MYCBP2: variants seen among roughly 807,000 people sequenced by gnomAD.
MYCBP2 encodes E3 ubiquitin-protein ligase MYCBP2.
A neutral mutation model predicts 525.3 loss-of-function variants in MYCBP2; 120 were observed. The ratio of observed to expected loss-of-function variants is 0.23; its 90% confidence interval spans 0.20 to 0.27. The LOEUF is 0.27. MYCBP2 is among the 10% of genes least tolerant of loss of function. The probability of loss-of-function intolerance (pLI) is 1.00; values close to 1 mark genes in which losing one functional copy is unlikely to be tolerated. For missense variants in MYCBP2, 4,149 were observed against 5,657.1 expected, an observed-to-expected ratio of 0.73 and a Z score of 8.55; for synonymous variants, 1,894 against 1,955.8, an observed-to-expected ratio of 0.97 and a Z score of 0.83.
intron 55 of MYCBP2, among the ~76,000 whole-genome samples, chr13:77,111,883 A>C (rs1426841208): frequency 6.6e-6 from 1 of 152,132 alleles, no homozygotes; most frequent in Non-Finnish European, 1.5e-5. Flanking sequence ...CTGCACATAA[A>C]GTCTAAACTA....
chr13:77,070,839 T>G, intron 68 of MYCBP2, 128 bp from the exon 69 acceptor site: 1 of 545,472 alleles, frequency 1.8e-6, no homozygotes, highest in Non-Finnish European at 3.1e-6. Flanking sequence ...AAATTTATTT[T>G]AAATTGAGGC....
intron 49 of MYCBP2, chr13:77,144,242 T>G (rs2055159567): frequency 3.7e-6 from 2 of 545,288 alleles, no homozygotes; most frequent in Admixed American, 3.2e-5. Context: ...AGGGCTACAG[T>G]GCCTGGGCGG....
chr13:77,095,209 A>G (rs1180755718), intron 58 of MYCBP2, 149 bp downstream of exon 58: 2 of 904,806 alleles, frequency 2.2e-6, no homozygotes, highest in African/African-American at 3.4e-5. Context: ...ATGTCAGTCA[A>G]GGCAACTCAA....
At chr13:77,267,336 T>TA (rs1302969524) in intron 8 of MYCBP2, among the ~76,000 whole-genome samples, 30 of 146,724 alleles carry the variant, frequency 2.0e-4, no homozygotes, top group African/African-American at 2.2e-4. Context: ...ATGATGAAAT[T>TA]AAAAAAAAAA....
rs1291749235 is a variant in MYCBP2, at chr13:77,205,164, G to GA, written c.3843+91dup. 1.3e-5 allele frequency: 16 copies of GA among 1,195,748 alleles called. No individual in the cohort carries two copies. The East Asian group carries it at 2.5e-4, about 18-fold the overall frequency. 74.1% of individuals were successfully genotyped at this position (1,195,748 alleles called of 1,614,324 possible). On this transcript the variant is annotated intron_variant, in intron 26 of 82. Transcript: ENST00000544440. ...AAACAAAATAAACCCAGTTAAAAAG[G>GA]AAAAAAATTAGACATTAAATAATAA...
chr13:77,293,886 G>A (rs539388408), intron 2 of MYCBP2, among the ~76,000 whole-genome samples: 85 of 152,048 alleles, frequency 5.6e-4, no homozygotes, highest in Non-Finnish European at 1.1e-3. Context: ...TTTTAGCTCA[G>A]TGAGATCCAT....
chr13:77,099,334 TAGAA>T (rs1347643425), intron 55 of MYCBP2: 1 of 264,062 alleles, frequency 3.8e-6, no homozygotes, highest in Non-Finnish European at 7.2e-6. Context: ...AGTGAGGGAC[TAGAA>T]AGAGACAGAA....
chr13:77,110,806 C>T (rs1185951547), intron 55 of MYCBP2, among the ~76,000 whole-genome samples: 2 of 152,144 alleles, frequency 1.3e-5, no homozygotes, highest in Admixed American at 6.6e-5. Flanking sequence ...TCCCCCAATA[C>T]AGACTCTCAT....
At chr13:77,245,740 AAGTAACACAC>A (rs2069770622) in intron 15 of MYCBP2, among the ~76,000 whole-genome samples, 1 of 72,134 alleles carries the variant, frequency 1.4e-5, no homozygotes. Context: ...CCAGAACGTA[AAGTAACACAC>A]ACACACACAC....
intron 14 of MYCBP2, among the ~76,000 whole-genome samples, chr13:77,253,733 A>G (rs1389765181): frequency 1.3e-5 from 2 of 152,014 alleles, no homozygotes; most frequent in Non-Finnish European, 2.9e-5. Context: ...CTTCAATGTA[A>G]CAAATAAAAA....
At chr13:77,146,277 C>A in intron 47 of MYCBP2, 60 bp from the exon 48 acceptor site, 2 of 1,193,364 alleles carry the variant, frequency 1.7e-6, no homozygotes, top group Non-Finnish European at 1.2e-6. Flanking sequence ...TCTCAATTAA[C>A]AGAGTAATAT....
Position 77,081,304 on chromosome 13 carries a change from C to A in MYCBP2, c.11418+123G>T. ...CTTAAGATTTATTTGGGGATTATAG[C>A]AATGATGTTTGGTTGGTGAAATTCC... On this transcript the variant is annotated intron_variant, in intron 65 of 82. Coordinates refer to ENST00000544440, the MANE Select transcript of MYCBP2 (RefSeq NM_015057.5). This position sits in a 1 kb window ranked among gnomAD's most constrained non-coding sequence, Gnocchi z 4.6. 7.6e-6 allele frequency: 6 copies of A among 789,496 alleles called. No homozygotes were observed. The highest frequency in any genetic ancestry group is 1.3e-5 in the Non-Finnish European group (6 of 478,096). The allele number at this position is 789,496 out of a possible 1,614,324, so 48.9% of individuals were successfully genotyped here.
chr13:77,246,450 A>T (rs1379913900), intron 15 of MYCBP2, among the ~76,000 whole-genome samples: 3 of 152,094 alleles, frequency 2.0e-5, no homozygotes, highest in Middle Eastern at 3.4e-3. Flanking sequence ...CAGACAAAAG[A>T]TGAAGAAAAA....
chr13:77,275,316 T>C (rs2075402365), intron 4 of MYCBP2, among the ~76,000 whole-genome samples: 1 of 152,248 alleles, frequency 6.6e-6, no homozygotes, highest in South Asian at 2.1e-4. Context: ...TGTAAAGCTC[T>C]GCATGTCCCT....
In MYCBP2 at chr13:77,177,953, A is replaced by G. The variant is rs745683435; in HGVS notation, c.5135T>C (p.Val1712Ala). Residue 1712 changes from valine (V) to alanine (A), a missense_variant and splice_region_variant, in exon 35 of 83, where the codon GTT becomes GCT. Transcript: ENST00000544440. ...AGAGTGAAGAGAATTAAGTCCATCA[A>G]CCTGTGAACAATAAAAGCAATTGTA... ...ELTASALGSE[V>A]DGLNSLHSVK... The G allele has an allele frequency of 2.3e-5, 37 of 1,589,430 alleles. No homozygotes were observed. The East Asian group carries it at 8.3e-4, about 36-fold the overall frequency.
chr13:77,173,540 G>T (rs1215276882), intron 37 of MYCBP2, among the ~76,000 whole-genome samples: 2 of 152,126 alleles, frequency 1.3e-5, no homozygotes. Flanking sequence ...TCTATATCTA[G>T]GGAAATTATT....
At chr13:77,258,571 T>C (rs1402513584) in intron 13 of MYCBP2, among the ~76,000 whole-genome samples, 1 of 152,228 alleles carries the variant, frequency 6.6e-6, no homozygotes, top group Non-Finnish European at 1.5e-5. Context: ...TTGGGAAAAC[T>C]GTTCTACATT....
intron 26 of MYCBP2, among the ~76,000 whole-genome samples, chr13:77,196,586 C>T (rs1296599858): frequency 6.6e-6 from 1 of 152,056 alleles, no homozygotes; most frequent in African/African-American, 2.4e-5. Context: ...ATATTTGCTC[C>T]CGAAGTGGAT....
chr13:77,200,869 A>C (rs376643235), intron 26 of MYCBP2, among the ~76,000 whole-genome samples: 1 of 152,104 alleles, frequency 6.6e-6, no homozygotes, highest in Non-Finnish European at 1.5e-5. Flanking sequence ...ACCAGGCCTG[A>C]CCTAAAAGAG....
Sources: gnomAD v4.1 joint callset for allele counts (sites outside exome capture counted in the v4.1 genomes callset) on GRCh38, gnomAD v4.1.1 for gene constraint, Gnocchi (gnomAD v3.1) non-coding constraint, MANE v1.5 for transcripts, NCBI Gene and HGNC (gene_info 2026-07-23, HGNC 2026-07-21) for gene names.